Variants in FAT3 observed in about 807,000 individuals in gnomAD.
FAT3 encodes the protein protocadherin Fat 3.
FAT3 carries 95 observed loss-of-function variants against 310.2 expected under a neutral mutation model. The ratio of observed to expected loss-of-function variants is 0.31; its 90% confidence interval spans 0.26 to 0.36. The LOEUF is 0.36. FAT3 is among the 10% of genes least tolerant of loss of function. FAT3 has a pLI of 1.00. For synonymous variants in FAT3, 2,314 were observed against 2,192.9 expected, an observed-to-expected ratio of 1.06 and a Z score of -1.54; for missense variants, 5,408 against 5,715.6, an observed-to-expected ratio of 0.95 and a Z score of 1.74.
intron 3 of FAT3, among the ~76,000 whole-genome samples, chr11:92,580,375 C>A (rs1395689316): frequency 6.6e-6 from 1 of 152,044 alleles, no homozygotes; most frequent in African/African-American, 2.4e-5. Flanking sequence ...CTAACACTAG[C>A]TGTGCCTGTC....
intron 3 of FAT3, among the ~76,000 whole-genome samples, chr11:92,545,429 C>A (rs1480037011): frequency 6.6e-6 from 1 of 152,122 alleles, no homozygotes; most frequent in East Asian, 1.9e-4. Context: ...GATATAGTTT[C>A]TTGAACTGTG....
intron 13 of FAT3, among the ~76,000 whole-genome samples, chr11:92,818,880 C>T (rs192614848): frequency 6.6e-6 from 1 of 152,318 alleles, no homozygotes; most frequent in East Asian, 1.9e-4. Context: ...CGACAGAGAG[C>T]TGCATGCACG....
chr11:92,673,790 C>T (rs1414702820), intron 3 of FAT3, among the ~76,000 whole-genome samples: 1 of 152,016 alleles, frequency 6.6e-6, no homozygotes, highest in African/African-American at 2.4e-5. Flanking sequence ...GAGATGGTCC[C>T]AAATCTGAAC....
At chr11:92,695,472 A>T (rs1230021071) in intron 3 of FAT3, among the ~76,000 whole-genome samples, 1 of 152,046 alleles carries the variant, frequency 6.6e-6, no homozygotes, top group African/African-American at 2.4e-5. Flanking sequence ...AGTATTGCTC[A>T]TTCACACAGA....
Position 92,366,725 on chromosome 11 carries a change from T to C in FAT3, c.3292+11321T>C, listed in dbSNP as rs1019877168. On this transcript the variant is annotated intron_variant, in intron 2 of 27. Coordinates refer to ENST00000525166, the MANE Select transcript of FAT3 (RefSeq NM_001367949.2). The stretch of plus-strand genomic sequence containing the variant: ...TGCAATCAGTACTCATTTCCCCTCC[T>C]TGATCTGGGGAGCTATTTCTTCATT... 29 of 535,958 alleles carry C rather than the reference T, an allele frequency of 5.4e-5. No homozygotes were observed. The African/African-American group carries it at 5.6e-4, about 10-fold the overall frequency. 33.2% of individuals were successfully genotyped at this position (535,958 alleles called of 1,614,324 possible). A position where few individuals can be genotyped will look rare whatever the true frequency, so the allele number is the denominator to read the frequency against.
intron 2 of FAT3, among the ~76,000 whole-genome samples, chr11:92,415,140 G>A (rs1488250046): frequency 6.6e-6 from 1 of 152,128 alleles, no homozygotes; most frequent in Non-Finnish European, 1.5e-5. Flanking sequence ...GCCCTGATGT[G>A]CTGGGAAAAG....
chr11:92,871,615 C>CT (rs905976741), intron 22 of FAT3, among the ~76,000 whole-genome samples: 1 of 152,136 alleles, frequency 6.6e-6, no homozygotes, highest in African/African-American at 2.4e-5. Context: ...CATTTGATTG[C>CT]TATTTACTTG....
chr11:92,874,525 A>G (rs1949479303), intron 22 of FAT3, among the ~76,000 whole-genome samples: 3 of 152,226 alleles, frequency 2.0e-5, no homozygotes, highest in Non-Finnish European at 1.5e-5. Context: ...CCTAGAGTCA[A>G]GTTTAAACTC....
At chr11:92,442,509 A>G (rs921010476) in intron 2 of FAT3, among the ~76,000 whole-genome samples, 4 of 152,158 alleles carry the variant, frequency 2.6e-5, no homozygotes, top group Non-Finnish European at 4.4e-5. Flanking sequence ...AAATGCATCT[A>G]TAGCCTCCCT....
intron 15 of FAT3, 83 bp from the exon 16 acceptor site, chr11:92,836,483 T>A (rs1174986626): frequency 6.6e-7 from 1 of 1,526,030 alleles, no homozygotes; most frequent in African/African-American, 1.4e-5. Context: ...GCTGCACCCA[T>A]TTAAACAGAC....
At position 92,867,304 on chromosome 11, in the gene FAT3, T is replaced by C. The variant is rs139605273; in HGVS notation, c.12127+95T>C. 729 of 1,259,130 alleles carry C rather than the reference T, an allele frequency of 5.8e-4. 4 individuals carry two copies. In the African/African-American group the frequency reaches 0.01, roughly 18 times the overall value. The allele number at this position is 1,259,130 out of a possible 1,614,324, so 78.0% of individuals were successfully genotyped here. A position where few individuals can be genotyped will look rare whatever the true frequency, so the allele number is the denominator to read the frequency against. On this transcript the variant is annotated intron_variant, in intron 22 of 27. Coordinates refer to ENST00000525166, the MANE Select transcript of FAT3 (RefSeq NM_001367949.2). The stretch of plus-strand genomic sequence containing the variant: ...CCCTGCCCTCCCAACGCAAGGACTC[T>C]ACTAGAGAGGAGTATTCACACCCAA...
At chr11:92,559,311 G>A (rs1316864810) in intron 3 of FAT3, 3 of 194,188 alleles carry the variant, frequency 1.5e-5, no homozygotes, top group Non-Finnish European at 3.3e-5. Context: ...TATGCCCTGA[G>A]CCCCAAGCAA....
intron 3 of FAT3, among the ~76,000 whole-genome samples, chr11:92,599,733 G>C (rs184904222): frequency 4.6e-5 from 7 of 152,184 alleles, no homozygotes; most frequent in Non-Finnish European, 1.0e-4. Flanking sequence ...TAATTATACA[G>C]CCAGAATATC....
At chr11:92,516,211 C>G (rs900592569) in intron 2 of FAT3, among the ~76,000 whole-genome samples, 5 of 152,068 alleles carry the variant, frequency 3.3e-5, no homozygotes, top group African/African-American at 1.2e-4. Flanking sequence ...GCCAATATCC[C>G]TGATGAACAT....
intron 4 of FAT3, among the ~76,000 whole-genome samples, chr11:92,742,321 G>C (rs938090677): frequency 9.9e-5 from 15 of 152,202 alleles, no homozygotes; most frequent in Admixed American, 2.0e-4. Context: ...AAGAACTACA[G>C]GAGTAGGGAG....
At chr11:92,276,645 A>G (rs1051735771) in intron 1 of FAT3, among the ~76,000 whole-genome samples, 2 of 152,154 alleles carry the variant, frequency 1.3e-5, no homozygotes, top group African/African-American at 4.8e-5. Flanking sequence ...CTCAACGAGT[A>G]TGTATAGAGT....
At chr11:92,305,776 G>A (rs1213956586) in intron 1 of FAT3, among the ~76,000 whole-genome samples, 8 of 152,074 alleles carry the variant, frequency 5.3e-5, no homozygotes, top group Non-Finnish European at 8.8e-5. Flanking sequence ...TCAAGGTCAC[G>A]GAAGACAAAG....
intron 2 of FAT3, among the ~76,000 whole-genome samples, chr11:92,522,261 C>G (rs1206542749): frequency 6.6e-6 from 1 of 152,176 alleles, no homozygotes; most frequent in African/African-American, 2.4e-5. Context: ...GGTGGCACCT[C>G]ATGGCACTGA....
chr11:92,360,166 A>G (rs181907712), intron 2 of FAT3, among the ~76,000 whole-genome samples: 150 of 152,300 alleles, frequency 9.8e-4, no homozygotes, highest in Middle Eastern at 3.4e-3. Context: ...AAGTCTCAGG[A>G]TACAAAATCA....
Sources: gnomAD v4.1 joint callset for allele counts (sites outside exome capture counted in the v4.1 genomes callset) on GRCh38, gnomAD v4.1.1 for gene constraint, MANE v1.5 for transcripts, NCBI Gene and HGNC (gene_info 2026-07-23, HGNC 2026-07-21) for gene names.